Variants in PHKB observed in about 807,000 individuals in gnomAD.
PHKB encodes the protein phosphorylase kinase regulatory subunit beta.
In PHKB, 122 loss-of-function variants were observed where a neutral mutation model predicts 152.1. The observed-to-expected ratio is 0.80, with a 90% CI of 0.69 to 0.93. PHKB has a LOEUF of 0.93. Ranked by LOEUF, PHKB falls within the 40% of genes least tolerant of loss-of-function variation. The pLI, the probability that PHKB is intolerant of heterozygous loss-of-function variation, is 0.00. For synonymous variants in PHKB, 436 were observed against 464.9 expected (o/e 0.94, Z 0.80); for missense variants, 1,304 against 1,328.4 (o/e 0.98, Z 0.29).
At chr16:47,565,925 G>A in intron 7 of PHKB, 1 of 1,043,774 alleles carries the variant, frequency 9.6e-7, no homozygotes, top group Non-Finnish European at 1.4e-6. Flanking sequence ...GTCTTTGTGG[G>A]GGACCTCTAT....
chr16:47,548,661 G>A (rs1971217652), intron 7 of PHKB, among the ~76,000 whole-genome samples: 1 of 150,136 alleles, frequency 6.7e-6, no homozygotes, highest in Non-Finnish European at 1.5e-5. Flanking sequence ...GGAACCCAAA[G>A]TGTTCTCTAT....
At chr16:47,627,603 G>A (rs1353161332) in intron 14 of PHKB, among the ~76,000 whole-genome samples, 2 of 152,176 alleles carry the variant, frequency 1.3e-5, no homozygotes, top group African/African-American at 2.4e-5. Flanking sequence ...CTCTTAAATA[G>A]AAAGCTTATA....
intron 25 of PHKB, among the ~76,000 whole-genome samples, chr16:47,668,356 A>G (rs930845262): frequency 2.0e-5 from 3 of 152,184 alleles, no homozygotes; most frequent in African/African-American, 7.2e-5. Context: ...AATTGAGGCA[A>G]TAGACTCCAT....
intron 14 of PHKB, among the ~76,000 whole-genome samples, chr16:47,613,849 A>C (rs1972470212): frequency 6.6e-6 from 1 of 152,184 alleles, no homozygotes; most frequent in Non-Finnish European, 1.5e-5. Context: ...AATGTTATAA[A>C]AATTGAACTG....
chr16:47,641,523 A>G (rs544551481), intron 15 of PHKB, 76 bp from the exon 16 acceptor site: 2 of 793,718 alleles, frequency 2.5e-6, no homozygotes, highest in African/African-American at 1.7e-5. Flanking sequence ...GTTCCCTTTT[A>G]TCCTCCTCCT....
intron 14 of PHKB, among the ~76,000 whole-genome samples, chr16:47,614,840 A>G (rs536003845): frequency 2.0e-5 from 3 of 152,216 alleles, no homozygotes; most frequent in Non-Finnish European, 4.4e-5. Flanking sequence ...TCCTTTCTGA[A>G]TGTCCCAGCC....
intron 7 of PHKB, among the ~76,000 whole-genome samples, chr16:47,560,377 C>T (rs1486007938): frequency 1.3e-5 from 2 of 152,164 alleles, no homozygotes; most frequent in African/African-American, 4.8e-5. Context: ...TTTATGTAAT[C>T]TATGTAAAAA....
intron 23 of PHKB, among the ~76,000 whole-genome samples, chr16:47,662,209 AT>A (rs749393715): frequency 1.3e-5 from 2 of 152,214 alleles, no homozygotes; most frequent in Non-Finnish European, 2.9e-5. Flanking sequence ...GCCATTTGAA[AT>A]GGAACATGGC....
chr16:47,528,771 A>G (rs1970810522), intron 6 of PHKB, among the ~76,000 whole-genome samples: 1 of 147,082 alleles, frequency 6.8e-6, no homozygotes, highest in African/African-American at 2.5e-5. Flanking sequence ...ATCTCAGTTC[A>G]CTGCAACCTC....
intron 13 of PHKB, 117 bp from the exon 14 acceptor site, chr16:47,610,709 T>C: frequency 4.2e-6 from 3 of 714,724 alleles, no homozygotes; most frequent in Non-Finnish European, 7.6e-6. Context: ...GGATGTTTCA[T>C]GTACACTGAG....
At chr16:47,619,974 T>C (rs1296697419) in intron 14 of PHKB, among the ~76,000 whole-genome samples, 1 of 152,232 alleles carries the variant, frequency 6.6e-6, no homozygotes, top group African/African-American at 2.4e-5. Context: ...TGTATTATAC[T>C]AATTAGAATA....
chr16:47,698,334 T>G, intron 29 of PHKB, 114 bp from the exon 30 acceptor site: 1 of 837,812 alleles, frequency 1.2e-6, no homozygotes, highest in Non-Finnish European at 2.1e-6. Flanking sequence ...AGGTGATCCT[T>G]GAGCCCCTCA....
chr16:47,615,851 T>A (rs1972505116), intron 14 of PHKB, among the ~76,000 whole-genome samples: 1 of 152,252 alleles, frequency 6.6e-6, no homozygotes. Flanking sequence ...AGTAATTTTT[T>A]AAACAATAAT....
rs149812232 is a variant in PHKB, at chr16:47,610,908, G to A, written c.1446G>A (p.Arg482=). Residue 482 remains arginine (R), a synonymous_variant, in exon 14 of 31, where the codon AGG becomes AGA. Coordinates refer to ENST00000323584, the MANE Select transcript of PHKB (RefSeq NM_000293.3). ...PLKDQRNVSM[R]FSNQGPLEND... ...AGGATCAACGTAACGTGAGCATGAG[G>A]TTTTCCAATCAGGTAAAGAATTATT... The A allele has an allele frequency of 3.5e-4, 556 of 1,577,330 alleles. 1 individual carries two copies. The African/African-American group carries it at 5.9e-3, about 17-fold the overall frequency.
intron 6 of PHKB, among the ~76,000 whole-genome samples, chr16:47,524,112 T>C (rs1970728307): frequency 6.6e-6 from 1 of 152,222 alleles, no homozygotes; most frequent in Non-Finnish European, 1.5e-5. Flanking sequence ...GATCGTTGTA[T>C]GCTCTTGTTG....
At chr16:47,687,725 T>C (rs1247350050) in intron 26 of PHKB, among the ~76,000 whole-genome samples, 1 of 152,184 alleles carries the variant, frequency 6.6e-6, no homozygotes, top group Non-Finnish European at 1.5e-5. Context: ...TACCCTAGAC[T>C]AAACTCCCAA....
At chr16:47,667,667 G>A (rs1973563078) in intron 25 of PHKB, among the ~76,000 whole-genome samples, 1 of 152,110 alleles carries the variant, frequency 6.6e-6, no homozygotes, top group South Asian at 2.1e-4. Flanking sequence ...AGTTAAACAG[G>A]CTTTGAGAAG....
At chr16:47,464,125 G>GGTGTTTTGTTTAACTTTGCATT in intron 1 of PHKB, 1 of 708,908 alleles carries the variant, frequency 1.4e-6, no homozygotes, top group Non-Finnish European at 2.6e-6. Context: ...GTACCCGGCT[G>GGTGTTTTGTTTAACTTTGCATT]GTGTTTTGTT....
At chr16:47,564,033 G>GGT (rs890217614) in intron 7 of PHKB, among the ~76,000 whole-genome samples, 9 of 139,068 alleles carry the variant, frequency 6.5e-5, no homozygotes, top group Non-Finnish European at 1.1e-4. Flanking sequence ...AGCAATCCAT[G>GGT]GTGTGTGTGT....
Sources: allele counts gnomAD v4.1 joint callset (sites outside exome capture counted in the v4.1 genomes callset), GRCh38; gene constraint gnomAD v4.1.1; transcripts MANE v1.5; gene names NCBI Gene and HGNC (gene_info 2026-07-23, HGNC 2026-07-21).